The following FAM180A variants were observed in gnomAD, a reference collection of about 807,000 sequenced individuals.
FAM180A encodes family with sequence similarity 180 member A.
In FAM180A, 14 loss-of-function variants were observed where a neutral mutation model predicts 15.3. The ratio of observed to expected loss-of-function variants is 0.92; its 90% confidence interval spans 0.61 to 1.43. The LOEUF is 1.43. Among genes scored for constraint, FAM180A ranks in the 40% most tolerant of loss-of-function variants. The probability of loss-of-function intolerance (pLI) is 0.00; values close to 1 mark genes in which losing one functional copy is unlikely to be tolerated. For missense variants in FAM180A, 200 were observed against 220.8 expected (o/e 0.91, Z 0.60); for synonymous variants, 90 against 96.8 (o/e 0.93, Z 0.41).
intron 2 of FAM180A, among the ~76,000 whole-genome samples, chr7:135,736,483 C>A (rs971658183): frequency 1.3e-5 from 2 of 152,206 alleles, no homozygotes; most frequent in African/African-American, 2.4e-5. Flanking sequence ...GGTGGCACAG[C>A]GGACGGGAGA....
intron 1 of FAM180A, among the ~76,000 whole-genome samples, chr7:135,742,943 C>G (rs1290824049): frequency 6.6e-6 from 1 of 152,338 alleles, no homozygotes; most frequent in East Asian, 1.9e-4. Flanking sequence ...CTCCAAAACC[C>G]AATCTCACTG....
chr7:135,737,013 G>C (rs1367513765), intron 2 of FAM180A, 86 bp downstream of exon 2: 1 of 1,045,406 alleles, frequency 9.6e-7, no homozygotes, highest in East Asian at 2.6e-5. Flanking sequence ...CAGGGGCTGA[G>C]GGGTCACTTC....
chr7:135,734,092 G>A lies in FAM180A; in HGVS notation c.405C>T (p.Tyr135=), dbSNP rs375312300. 9.9e-6 allele frequency: 16 copies of A among 1,614,072 alleles called. No individual in the cohort carries two copies. The highest frequency in any genetic ancestry group is 3.3e-4 in the Middle Eastern group (2 of 6,084). ...RTVLTLAYTA[Y]RTALSHGHQK... ...GATGGCCGTGGGACAGGGCTGTGCG[G>A]TAGGCTGTGTAGGCCAGGGTCAGCA... Residue 135 remains tyrosine, a synonymous_variant, in exon 3 of 4, where the codon TAC becomes TAT. Transcript: ENST00000338588.
At chr7:135,740,967 A>T (rs1796938242) in intron 1 of FAM180A, among the ~76,000 whole-genome samples, 1 of 37,978 alleles carries the variant, frequency 2.6e-5, no homozygotes, top group Admixed American at 4.8e-4. Flanking sequence ...AACAAAACAA[A>T]ACAAAACAAA....
intron 1 of FAM180A, among the ~76,000 whole-genome samples, chr7:135,745,084 A>T (rs944868355): frequency 4.4e-5 from 6 of 136,728 alleles, no homozygotes; most frequent in Non-Finnish European, 9.9e-5. Context: ...GTGCTGCTAC[A>T]CCCAGCTAAT....
intron 1 of FAM180A, among the ~76,000 whole-genome samples, chr7:135,745,144 C>T (rs773386152): frequency 7.2e-5 from 11 of 152,056 alleles, no homozygotes; most frequent in African/African-American, 1.2e-4. Context: ...CGTGCACCAC[C>T]GTGCCCGGCA....
chr7:135,744,561 A>G (rs1174821305), intron 1 of FAM180A, among the ~76,000 whole-genome samples: 1 of 152,172 alleles, frequency 6.6e-6, no homozygotes, highest in Non-Finnish European at 1.5e-5. Flanking sequence ...GTCCTCTGGG[A>G]GAGCTCCTGA....
chr7:135,736,420 T>C (rs1796873357), intron 2 of FAM180A, among the ~76,000 whole-genome samples: 2 of 152,234 alleles, frequency 1.3e-5, no homozygotes, highest in African/African-American at 2.4e-5. Flanking sequence ...TTGAATTCTC[T>C]CATTTAACAG....
intron 1 of FAM180A, among the ~76,000 whole-genome samples, chr7:135,738,348 C>A (rs1299798077): frequency 6.6e-6 from 1 of 152,196 alleles, no homozygotes; most frequent in Non-Finnish European, 1.5e-5. Context: ...TGTGTGCCAC[C>A]ACGCTCGGCT....
At chr7:135,737,942 A>G (rs1796895350) in intron 1 of FAM180A, among the ~76,000 whole-genome samples, 2 of 152,200 alleles carry the variant, frequency 1.3e-5, no homozygotes, top group Admixed American at 6.5e-5. Context: ...CCCTGAAAAC[A>G]CTGTTCCCTA....
intron 1 of FAM180A, among the ~76,000 whole-genome samples, chr7:135,748,166 C>A (rs1797057172): frequency 1.3e-5 from 2 of 152,228 alleles, no homozygotes; most frequent in Admixed American, 6.5e-5. Context: ...CACCTGCTCT[C>A]CAGACGGTCT....
In FAM180A at chr7:135,730,238, C is replaced by G; in HGVS notation, c.*373G>C. 1 of 985,370 alleles carries G rather than the reference C, an allele frequency of 1.0e-6. No homozygotes were observed. Among genetic ancestry groups the G allele is most frequent in the South Asian group, 4.7e-5 (1 of 21,286 alleles). The allele number at this position is 985,370 out of a possible 1,614,324, so 61.0% of individuals were successfully genotyped here. The stretch of plus-strand genomic sequence containing the variant: ...GTGAGGATGCCAACGATGGAGGAAA[C>G]TTAGAAAGTTTTTAGATCCTGGGCC... On this transcript the variant is annotated 3_prime_UTR_variant, in exon 4 of 4. Coordinates refer to ENST00000338588, the MANE Select transcript of FAM180A (RefSeq NM_205855.4).
chr7:135,748,065 G>A (rs1454901503), intron 1 of FAM180A, among the ~76,000 whole-genome samples: 1 of 152,178 alleles, frequency 6.6e-6, no homozygotes, highest in Non-Finnish European at 1.5e-5. Flanking sequence ...AGGAGGCAAC[G>A]TTCTGCAGAG....
rs1563182736 is a variant in FAM180A, at chr7:135,748,791, A to G, written c.-211T>C. 1.8e-6 allele frequency: 1 copy of G among 558,398 alleles called. No homozygotes were observed. Among genetic ancestry groups the G allele is most frequent in the Admixed American group, 3.1e-5 (1 of 31,954 alleles). The allele number at this position is 558,398 out of a possible 1,614,324, so 34.6% of individuals were successfully genotyped here. On this transcript the variant is annotated 5_prime_UTR_variant, in exon 1 of 4. Transcript: ENST00000338588. ...AGGAGTCGGTACCTCTCTTCATTTG[A>G]CGCTCTCTGGGATTGGGGAACTGGC...
At chr7:135,741,441 G>T (rs557294745) in intron 1 of FAM180A, among the ~76,000 whole-genome samples, 19 of 151,872 alleles carry the variant, frequency 1.3e-4, no homozygotes, top group African/African-American at 4.6e-4. Flanking sequence ...GCGTGAACCC[G>T]GGAGGCGGAG....
intron 1 of FAM180A, among the ~76,000 whole-genome samples, chr7:135,747,941 C>G (rs189103170): frequency 7.2e-5 from 11 of 152,158 alleles, no homozygotes; most frequent in African/African-American, 2.7e-4. Context: ...ACAGCCTTTG[C>G]TGGGGCCCCT....
Position 135,733,934 on chromosome 7 carries a change from G to C in FAM180A, c.*41C>G, listed in dbSNP as rs374041406. 135 of 1,534,576 alleles carry C rather than the reference G, an allele frequency of 8.8e-5. No individual in the cohort carries two copies. The highest frequency in any genetic ancestry group is 9.3e-5 in the Non-Finnish European group (106 of 1,142,998). On this transcript the variant is annotated 3_prime_UTR_variant, in exon 3 of 4. Transcript: ENST00000338588. ...GAGAATGAAGACTTTCTGGATTACT[G>C]TGCTGGTCCCTGCTCTGAGGTCCTG...
intron 2 of FAM180A, among the ~76,000 whole-genome samples, chr7:135,736,223 G>A (rs144059485): frequency 0.053 from 8,043 of 150,988 alleles, 228 homozygotes; most frequent in South Asian, 0.089. Flanking sequence ...GGGTTTCACC[G>A]TGTTGGCCAG....
At chr7:135,731,872 T>C (rs1347536353) in intron 3 of FAM180A, among the ~76,000 whole-genome samples, 1 of 152,236 alleles carries the variant, frequency 6.6e-6, no homozygotes, top group Non-Finnish European at 1.5e-5. Flanking sequence ...CATTATCAAA[T>C]GACAACTGTT....
Sources: gnomAD v4.1 joint callset for allele counts (sites outside exome capture counted in the v4.1 genomes callset) on GRCh38, gnomAD v4.1.1 for gene constraint, MANE v1.5 for transcripts, NCBI Gene and HGNC (gene_info 2026-07-23, HGNC 2026-07-21) for gene names.